Variants in PCDH11Y observed in about 807,000 individuals in gnomAD.
The protein encoded by PCDH11Y is protocadherin 11 Y-linked, also known as protocadherin-11 Y-linked.
For missense variants in PCDH11Y, 12 were observed against 224.8 expected (o/e 0.05, Z 6.05); for synonymous variants, 9 against 83.6 (o/e 0.11, Z 4.87).
rs2124657596 is a variant in PCDH11Y, at chrY:5,257,027, T to C, written c.3129+156320T>C. ...TCTTCCTTTCCAATTTGGATGCCCT[T>C]TATTTCTTTCTCTTGTTTAATTGCC... On this transcript the variant is annotated intron_variant, in intron 2 of 4. Coordinates refer to the PCDH11Y transcript ENST00000400457. Among the ~76,000 whole-genome samples the C allele has an allele frequency of 9.0e-5, 3 of 33,256 alleles. No homozygotes were observed. In the East Asian group the frequency reaches 2.4e-3, roughly 27 times the overall value. The allele number at this position is 33,256 out of a possible 37,273, so 89.2% of individuals were successfully genotyped here.
intron 3 of PCDH11Y, among the ~76,000 whole-genome samples, chrY:5,561,421 T>C: frequency 3.3e-5 from 1 of 30,590 alleles, no homozygotes; most frequent in East Asian, 8.9e-4. Flanking sequence ...TGGAATGATA[T>C]GGTTTGGCTG....
chrY:5,231,141 C>T, intron 2 of PCDH11Y, among the ~76,000 whole-genome samples: 1 of 32,657 alleles, frequency 3.1e-5, no homozygotes, highest in Admixed American at 2.8e-4. Context: ...TCCTCCAGGA[C>T]TGGTCCCTAG....
chrY:5,371,440 A>G, intron 2 of PCDH11Y, among the ~76,000 whole-genome samples: 1 of 33,663 alleles, frequency 3.0e-5, no homozygotes, highest in African/African-American at 1.2e-4. Context: ...GACTTTTGGG[A>G]TATCTCTGAG....
chrY:5,282,485 G>A (rs2053055327), intron 2 of PCDH11Y, among the ~76,000 whole-genome samples: 1 of 34,236 alleles, frequency 2.9e-5, no homozygotes, highest in Non-Finnish European at 7.4e-5. Context: ...TAATCACGAT[G>A]ATAATAGATT....
chrY:5,726,064 G>A (rs2053598606), intron 4 of PCDH11Y, among the ~76,000 whole-genome samples: 1 of 33,010 alleles, frequency 3.0e-5, no homozygotes, highest in Non-Finnish European at 7.5e-5. Context: ...TGGTAAGTGC[G>A]TAAAGAAATG....
At chrY:5,049,717 C>T (rs2052648570) in intron 3 of PCDH11Y, among the ~76,000 whole-genome samples, 1 of 31,622 alleles carries the variant, frequency 3.2e-5, no homozygotes, top group Non-Finnish European at 7.7e-5. Context: ...CCCGCCACCA[C>T]GCCTGGCTAA....
rs372514391 is a variant in PCDH11Y, at chrY:5,115,314, A to G, written c.3129+14607A>G. On this transcript the variant is annotated intron_variant, in intron 2 of 4. Coordinates refer to the PCDH11Y transcript ENST00000400457. ...CCAGTATGCTATATGGCGAGAAAAA[A>G]AGACATTCTTGTCTTCAATAGAGGG... Among the ~76,000 whole-genome samples the G allele has an allele frequency of 4.3e-3, 125 of 28,927 alleles. No individual in the cohort carries two copies. The East Asian group carries it at 0.096, about 22-fold the overall frequency. The allele number at this position is 28,927 out of a possible 37,273, so 77.6% of individuals were successfully genotyped here. A position where few individuals can be genotyped will look rare whatever the true frequency, so the allele number is the denominator to read the frequency against.
chrY:5,556,339 GA>G (rs2053422990), intron 3 of PCDH11Y, among the ~76,000 whole-genome samples: 2 of 32,991 alleles, frequency 6.1e-5, no homozygotes, highest in Non-Finnish European at 1.5e-4. Flanking sequence ...CCACTGGTAT[GA>G]GATGGTATCT....
intron 3 of PCDH11Y, among the ~76,000 whole-genome samples, chrY:5,527,770 G>C: frequency 3.1e-5 from 1 of 32,204 alleles, no homozygotes; most frequent in Non-Finnish European, 7.6e-5. Context: ...ATGTGATCCT[G>C]ACACAAATAT....
chrY:5,220,700 A>C (rs35205282), intron 2 of PCDH11Y, among the ~76,000 whole-genome samples: 6 of 20,582 alleles, frequency 2.9e-4, no homozygotes, highest in African/African-American at 1.2e-3. Flanking sequence ...CATGAGCCAC[A>C]ACACCTGGCC....
chrY:5,334,867 A>T, intron 2 of PCDH11Y, among the ~76,000 whole-genome samples: 1 of 29,784 alleles, frequency 3.4e-5, no homozygotes, highest in Non-Finnish European at 8.0e-5. Context: ...TCAAAGAAAA[A>T]GTTTTGAATT....
intron 2 of PCDH11Y, among the ~76,000 whole-genome samples, chrY:5,374,400 ACTCT>A (rs2053195329): frequency 1.4e-4 from 3 of 22,058 alleles, no homozygotes; most frequent in South Asian, 1.1e-3. Context: ...TCTTTCTCTC[ACTCT>A]CTCTCTATGT....
At chrY:5,602,403 G>A in intron 4 of PCDH11Y, among the ~76,000 whole-genome samples, 1 of 32,089 alleles carries the variant, frequency 3.1e-5, no homozygotes, top group Admixed American at 2.9e-4. Flanking sequence ...GGCATTATAG[G>A]TGGGTGAAAG....
chrY:5,533,067 G>A (rs2053396962), intron 3 of PCDH11Y, among the ~76,000 whole-genome samples: 1 of 32,459 alleles, frequency 3.1e-5, no homozygotes, highest in Non-Finnish European at 7.5e-5. Flanking sequence ...TCCTGACCTC[G>A]TGATCCGCCT....
chrY:5,635,599 CTT>C (rs2053517185), intron 4 of PCDH11Y, among the ~76,000 whole-genome samples: 1 of 33,698 alleles, frequency 3.0e-5, no homozygotes, highest in African/African-American at 1.2e-4. Context: ...TAACGTCTGA[CTT>C]TTTGTTAACA....
At chrY:5,507,924 T>C in intron 3 of PCDH11Y, among the ~76,000 whole-genome samples, 2 of 32,974 alleles carry the variant, frequency 6.1e-5, no homozygotes, top group African/African-American at 2.3e-4. Context: ...CATTCTTTCT[T>C]CTGCTTTTTA....
intron 3 of PCDH11Y, among the ~76,000 whole-genome samples, chrY:5,520,020 C>G: frequency 4.6e-5 from 1 of 21,805 alleles, no homozygotes; most frequent in Non-Finnish European, 1.0e-4. Flanking sequence ...TCAAGACCAT[C>G]TTGGCCAACA....
intron 2 of PCDH11Y, among the ~76,000 whole-genome samples, chrY:5,267,060 C>T: frequency 3.2e-5 from 1 of 31,707 alleles, no homozygotes; most frequent in Non-Finnish European, 7.6e-5. Flanking sequence ...TGAGCACCTA[C>T]CATGTGATTT....
At chrY:5,461,524 A>G in intron 2 of PCDH11Y, among the ~76,000 whole-genome samples, 1 of 33,589 alleles carries the variant, frequency 3.0e-5, no homozygotes, top group African/African-American at 1.1e-4. Context: ...ATGCTCTTAT[A>G]GTCTTCTAAT....
Sources: gnomAD v4.1 joint callset for allele counts (sites outside exome capture counted in the v4.1 genomes callset) on GRCh38, gnomAD v4.1.1 for gene constraint, MANE v1.5 for transcripts, NCBI Gene and HGNC (gene_info 2026-07-23, HGNC 2026-07-21) for gene names.